Variants in NRG3 observed in about 807,000 individuals in gnomAD.
NRG3 encodes the protein pro-neuregulin-3, membrane-bound isoform.
In NRG3, 31 loss-of-function variants were observed where a neutral mutation model predicts 66.9. That is an observed-to-expected ratio of 0.46 (90% CI 0.35 to 0.63). NRG3 has a LOEUF of 0.63. NRG3 is among the 20% of genes least tolerant of loss of function. The pLI is 0.00. For synonymous variants in NRG3, 393 were observed against 359.4 expected, an observed-to-expected ratio of 1.09 and a Z score of -1.06; for missense variants, 910 against 878.9, an observed-to-expected ratio of 1.04 and a Z score of -0.45.
chr10:82,300,839 T>C (rs1157238693), intron 1 of NRG3, among the ~76,000 whole-genome samples: 1 of 152,064 alleles, frequency 6.6e-6, no homozygotes, highest in Non-Finnish European at 1.5e-5. Flanking sequence ...AAAACACCTT[T>C]CAGCCTGGTG....
chr10:82,752,478 C>A (rs2058907817), intron 3 of NRG3, among the ~76,000 whole-genome samples: 1 of 152,082 alleles, frequency 6.6e-6, no homozygotes. Flanking sequence ...GCTTTTTCAT[C>A]TAGCAATGAT....
At position 82,744,701 on chromosome 10, in the gene NRG3, T is replaced by C. The variant is rs140548286; in HGVS notation, c.1027+6051T>C. Among the ~76,000 whole-genome samples, 423 of 152,302 alleles carry C rather than the reference T, an allele frequency of 2.8e-3. 3 individuals are homozygous for C. Among genetic ancestry groups the C allele is most frequent in the African/African-American group, 1.0e-2 (415 of 41,580 alleles). ...GCAAGATATTGAAATGTTTTCTTCC[T>C]TCACTCATTCAAAATCTTATTAATA... On this transcript the variant is annotated intron_variant, in intron 3 of 8. Transcript: ENST00000372141.
intron 3 of NRG3, among the ~76,000 whole-genome samples, chr10:82,802,933 C>G (rs2061110340): frequency 6.6e-6 from 1 of 152,178 alleles, no homozygotes; most frequent in Non-Finnish European, 1.5e-5. Flanking sequence ...TCTTGGCTCC[C>G]AGAGTGTTGG....
chr10:81,996,616 T>C (rs184340205), intron 1 of NRG3, among the ~76,000 whole-genome samples: 2 of 152,278 alleles, frequency 1.3e-5, no homozygotes, highest in African/African-American at 4.8e-5. Flanking sequence ...CTAATGTTTC[T>C]GATTATTAGT....
intron 1 of NRG3, among the ~76,000 whole-genome samples, chr10:82,223,779 A>G (rs2076051511): frequency 6.6e-6 from 1 of 151,956 alleles, no homozygotes; most frequent in Admixed American, 6.6e-5. Context: ...ATTTCTTGGT[A>G]TTCTTTTCTC....
chr10:82,437,265 C>A (rs2090189149), intron 2 of NRG3, among the ~76,000 whole-genome samples: 2 of 151,700 alleles, frequency 1.3e-5, no homozygotes, highest in African/African-American at 4.8e-5. Flanking sequence ...TTCTTGTCTG[C>A]ATGTCTTATT....
chr10:82,642,267 G>GT (rs71009812), intron 2 of NRG3, among the ~76,000 whole-genome samples: 76,641 of 148,490 alleles, frequency 0.52, 20,435 homozygotes, highest in Non-Finnish European at 0.61. Context: ...AGTAGATGGA[G>GT]TTTTTTTTTT....
chr10:82,317,712 G>A lies in NRG3; in HGVS notation c.824-41027G>A, dbSNP rs1169302090. Among the ~76,000 whole-genome samples, 5 of 152,288 alleles carry A rather than the reference G, an allele frequency of 3.3e-5. No individual in the cohort carries two copies. In the South Asian group the frequency reaches 8.3e-4, roughly 25 times the overall value. ...GGTGGTTTATGTTCTTAGAGCTGTCGATCAAGAAAAATAATGAGACAAGTC... is the reference window on the plus strand; with the variant it reads ...GGTGGTTTATGTTCTTAGAGCTGTCAATCAAGAAAAATAATGAGACAAGTC... On this transcript the variant is annotated intron_variant, in intron 1 of 8. Coordinates refer to ENST00000372141, the MANE Select transcript of NRG3 (RefSeq NM_001010848.4).
intron 2 of NRG3, among the ~76,000 whole-genome samples, chr10:82,653,433 A>C (rs1280222217): frequency 1.3e-5 from 2 of 152,190 alleles, no homozygotes; most frequent in Non-Finnish European, 2.9e-5. Context: ...ACTGAATGCA[A>C]ACTCCCTGGA....
intron 2 of NRG3, among the ~76,000 whole-genome samples, chr10:82,731,221 G>T (rs192860238): frequency 1.3e-5 from 2 of 152,058 alleles, no homozygotes; most frequent in African/African-American, 4.8e-5. Flanking sequence ...ACAAAACTTA[G>T]CCAGGCATGG....
intron 2 of NRG3, among the ~76,000 whole-genome samples, chr10:82,462,423 A>T (rs1033535297): frequency 1.7e-4 from 26 of 152,186 alleles, no homozygotes; most frequent in African/African-American, 5.8e-4. Flanking sequence ...TATTACTCAT[A>T]AGAAATTTAA....
At chr10:82,473,519 T>C (rs911159450) in intron 2 of NRG3, among the ~76,000 whole-genome samples, 1 of 151,952 alleles carries the variant, frequency 6.6e-6, no homozygotes, top group African/African-American at 2.4e-5. Flanking sequence ...CTAAAATAAC[T>C]TTGTAGGGAC....
At chr10:82,101,233 A>G (rs1329101298) in intron 1 of NRG3, among the ~76,000 whole-genome samples, 1 of 151,894 alleles carries the variant, frequency 6.6e-6, no homozygotes, top group Non-Finnish European at 1.5e-5. Context: ...CAATCTGTCT[A>G]GAGTTTCATC....
intron 6 of NRG3, among the ~76,000 whole-genome samples, chr10:82,966,614 A>T (rs1170615903): frequency 1.3e-5 from 2 of 152,110 alleles, no homozygotes; most frequent in Non-Finnish European, 2.9e-5. Context: ...GGAAGTGATT[A>T]TGCATAGCCC....
chr10:82,390,156 C>T (rs1421852823), intron 2 of NRG3, among the ~76,000 whole-genome samples: 1 of 152,148 alleles, frequency 6.6e-6, no homozygotes, highest in African/African-American at 2.4e-5. Context: ...CCTTAAGTCA[C>T]ATTCCTTCAC....
At position 82,276,839 on chromosome 10, in the gene NRG3, G is replaced by A. The variant is rs1368183972; in HGVS notation, c.824-81900G>A. Among the ~76,000 whole-genome samples the A allele has an allele frequency of 3.9e-5, 6 of 152,044 alleles. No homozygotes were observed. In the East Asian group the frequency reaches 5.8e-4, roughly 15 times the overall value. ...TCAAAATACTTTTTAATTGAACTTC[G>A]TGTGTGTATAGCACAGAAAACTTAT... On this transcript the variant is annotated intron_variant, in intron 1 of 8. Coordinates refer to ENST00000372141, the MANE Select transcript of NRG3 (RefSeq NM_001010848.4).
intron 2 of NRG3, among the ~76,000 whole-genome samples, chr10:82,719,003 A>G (rs1216092642): frequency 1.3e-5 from 2 of 152,194 alleles, no homozygotes. Flanking sequence ...AGAGCTTTGT[A>G]TCTTCAAAAA....
intron 1 of NRG3, among the ~76,000 whole-genome samples, chr10:82,039,734 C>T (rs910755658): frequency 6.6e-6 from 1 of 152,058 alleles, no homozygotes; most frequent in Non-Finnish European, 1.5e-5. Context: ...TGTTCTTGAT[C>T]CCAGGAGTGA....
intron 2 of NRG3, among the ~76,000 whole-genome samples, chr10:82,583,456 T>G (rs758018900): frequency 4.6e-5 from 7 of 152,208 alleles, no homozygotes; most frequent in Non-Finnish European, 8.8e-5. Flanking sequence ...CTTTCATACC[T>G]TGTTCTTGTT....
Sources: allele counts gnomAD v4.1 joint callset (sites outside exome capture counted in the v4.1 genomes callset), GRCh38; gene constraint gnomAD v4.1.1; transcripts MANE v1.5; gene names NCBI Gene and HGNC (gene_info 2026-07-23, HGNC 2026-07-21).